The following XKR6 variants were observed in gnomAD, a reference collection of about 807,000 sequenced individuals.
XKR6 encodes the protein XK related 6, also known as XK-related protein 6.
Under a neutral mutation model 56.7 loss-of-function variants are expected in XKR6, and 22 were observed. The ratio of observed to expected loss-of-function variants is 0.39; its 90% CI spans 0.28 to 0.55. The LOEUF (loss-of-function observed/expected upper bound fraction) is 0.55, where lower values mean the gene tolerates loss of function less well. Ranked by LOEUF, XKR6 falls within the 20% of genes least tolerant of loss-of-function variation. The pLI is 0.66. For missense variants in XKR6, 852 were observed against 889.0 expected (o/e 0.96, Z 0.53); for synonymous variants, 524 against 387.8 (o/e 1.35, Z -4.13).
At chr8:11,027,101 A>G (rs945127829) in intron 1 of XKR6, among the ~76,000 whole-genome samples, 2 of 152,232 alleles carry the variant, frequency 1.3e-5, no homozygotes, top group Admixed American at 6.5e-5. Flanking sequence ...GCTATACGGC[A>G]TAGCCTGTTG....
chr8:10,967,030 G>A (rs1020544152), intron 1 of XKR6, among the ~76,000 whole-genome samples: 3 of 152,102 alleles, frequency 2.0e-5, no homozygotes, highest in Non-Finnish European at 2.9e-5. Context: ...AGCATCTTCC[G>A]GGAGCTGGTT....
chr8:11,083,370 G>C (rs991468667), intron 1 of XKR6, among the ~76,000 whole-genome samples: 1 of 152,128 alleles, frequency 6.6e-6, no homozygotes. Context: ...GAAAGCTCTG[G>C]GGATGCACAA....
chr8:11,125,293 A>G (rs1799718557), intron 1 of XKR6, among the ~76,000 whole-genome samples: 1 of 151,996 alleles, frequency 6.6e-6, no homozygotes, highest in African/African-American at 2.4e-5. Context: ...GCAAATGCAG[A>G]CCATCTCCTT....
intron 1 of XKR6, among the ~76,000 whole-genome samples, chr8:11,187,987 T>TTA (rs978363553): frequency 7.2e-5 from 11 of 152,236 alleles, no homozygotes; most frequent in Non-Finnish European, 1.3e-4. Flanking sequence ...AAGTTCCACT[T>TTA]ACAAAGTTAC....
chr8:10,946,075 A>G (rs1801529037), intron 1 of XKR6, among the ~76,000 whole-genome samples: 1 of 151,910 alleles, frequency 6.6e-6, no homozygotes, highest in Admixed American at 6.6e-5. Flanking sequence ...CCGTGATGGG[A>G]AGGCCACTTT....
chr8:10,991,468 G>T (rs1030690550), intron 1 of XKR6, among the ~76,000 whole-genome samples: 32 of 152,238 alleles, frequency 2.1e-4, no homozygotes, highest in African/African-American at 7.5e-4. Context: ...AAAGAAATAG[G>T]TTCTATTTCA....
intron 1 of XKR6, among the ~76,000 whole-genome samples, chr8:11,077,073 G>A (rs565966094): frequency 1.3e-5 from 2 of 152,108 alleles, no homozygotes; most frequent in African/African-American, 2.4e-5. Context: ...CTACTCAAGA[G>A]GCTGAGGCAG....
rs141335345 is a variant in XKR6, at chr8:11,052,304, C to T, written c.765-127474G>A. Among the ~76,000 whole-genome samples the T allele has an allele frequency of 1.3e-3, 205 of 152,344 alleles. 2 individuals are homozygous for T. The highest frequency in any genetic ancestry group is 3.4e-3 in the Middle Eastern group (1 of 294). On this transcript the variant is annotated intron_variant, in intron 1 of 2. Transcript: ENST00000416569. ...CTTGACTCCCGAATCTAAAACAACA[C>T]CCCCATCCCATAAGGCACTATCTGT... is the stretch of plus-strand genomic sequence containing the variant.
chr8:10,928,506 G>A (rs1800962437), intron 1 of XKR6, among the ~76,000 whole-genome samples: 2 of 152,246 alleles, frequency 1.3e-5, no homozygotes, highest in African/African-American at 4.8e-5. Context: ...TTTCCTGTGT[G>A]TAAAATCCGG....
chr8:11,185,118 T>C (rs1379450581), intron 1 of XKR6, among the ~76,000 whole-genome samples: 5 of 152,096 alleles, frequency 3.3e-5, no homozygotes, highest in Non-Finnish European at 7.3e-5. Flanking sequence ...CGGGTGTGAG[T>C]GTGAGTGTGC....
intron 1 of XKR6, among the ~76,000 whole-genome samples, chr8:10,978,144 G>A (rs945764860): frequency 1.3e-5 from 2 of 152,082 alleles, no homozygotes; most frequent in African/African-American, 4.8e-5. Context: ...TGAGGGCCTA[G>A]CCCCACCCCC....
chr8:10,972,754 T>C (rs1586375126), intron 1 of XKR6, among the ~76,000 whole-genome samples: 1 of 152,214 alleles, frequency 6.6e-6, no homozygotes, highest in Non-Finnish European at 1.5e-5. Context: ...AATTTCAATT[T>C]TGCAAGATAA....
At position 11,144,788 on chromosome 8, in the gene XKR6, A is replaced by C. The variant is rs567706801; in HGVS notation, c.764+55788T>G. Reference sequence around the variant, plus strand: ...ACTCCGTAAGATAATTAAAGTCCTCATCTCCAGAGCCCTGCCTTGTTCACA... The same window carrying C: ...ACTCCGTAAGATAATTAAAGTCCTCCTCTCCAGAGCCCTGCCTTGTTCACA... On this transcript the variant is annotated intron_variant, in intron 1 of 2. Coordinates refer to ENST00000416569, the MANE Select transcript of XKR6 (RefSeq NM_173683.4). Among the ~76,000 whole-genome samples, 55 of 151,588 alleles carry C rather than the reference A, an allele frequency of 3.6e-4. 1 individual carries two copies. Among genetic ancestry groups the C allele is most frequent in the African/African-American group, 1.3e-3 (52 of 41,282 alleles).
chr8:11,029,610 G>T (rs1798946824), intron 1 of XKR6, among the ~76,000 whole-genome samples: 1 of 152,114 alleles, frequency 6.6e-6, no homozygotes, highest in Admixed American at 6.5e-5. Context: ...AGAACCAAGA[G>T]AAATCAGTGT....
At chr8:10,915,799 C>T (rs1800547467) in intron 2 of XKR6, among the ~76,000 whole-genome samples, 1 of 152,192 alleles carries the variant, frequency 6.6e-6, no homozygotes, top group African/African-American at 2.4e-5. Flanking sequence ...AAGGCTATCC[C>T]TGGGGAAGTA....
At chr8:11,093,272 G>A (rs1014022612) in intron 1 of XKR6, among the ~76,000 whole-genome samples, 47 of 152,088 alleles carry the variant, frequency 3.1e-4, no homozygotes, top group Non-Finnish European at 6.0e-4. Context: ...CCAGGCTAGT[G>A]TCGAACTCCT....
At chr8:11,015,888 G>C (rs1798608063) in intron 1 of XKR6, among the ~76,000 whole-genome samples, 1 of 151,926 alleles carries the variant, frequency 6.6e-6, no homozygotes, top group Non-Finnish European at 1.5e-5. Flanking sequence ...CGCCCCAAAG[G>C]TGGGCGGCGG....
At chr8:11,039,188 A>G (rs1387343486) in intron 1 of XKR6, among the ~76,000 whole-genome samples, 1 of 152,216 alleles carries the variant, frequency 6.6e-6, no homozygotes, top group African/African-American at 2.4e-5. Flanking sequence ...ATGCAAAGCG[A>G]AGGGGAGGCC....
rs890729632 is a variant in XKR6, at chr8:10,965,030, G to C, written c.765-40200C>G. Among the ~76,000 whole-genome samples, 6 of 152,180 alleles carry C rather than the reference G, an allele frequency of 3.9e-5. No individual in the cohort carries two copies. The East Asian group carries it at 1.2e-3, about 29-fold the overall frequency. ...CCTTCCCTTTCCTCTCTCTTAAAGG[G>C]ACAGGCCAAGGGCCACCAACTGGAC... On this transcript the variant is annotated intron_variant, in intron 1 of 2. Transcript: ENST00000416569.
Sources: gnomAD v4.1 joint callset for allele counts (sites outside exome capture counted in the v4.1 genomes callset) on GRCh38, gnomAD v4.1.1 for gene constraint, MANE v1.5 for transcripts, NCBI Gene and HGNC (gene_info 2026-07-23, HGNC 2026-07-21) for gene names.